The following AGMO variants were observed in gnomAD, a reference collection of about 807,000 sequenced individuals.
The protein encoded by AGMO is glyceryl-ether monooxygenase.
In AGMO, 75 loss-of-function variants were observed where a neutral mutation model predicts 60.2. That is an observed-to-expected ratio of 1.25 (90% CI 1.03 to 1.51). The LOEUF is 1.51. Ranked by LOEUF, AGMO falls within the 40% of genes most tolerant of loss-of-function variation. AGMO has a pLI of 0.00. For missense variants in AGMO, 763 were observed against 525.5 expected, an observed-to-expected ratio of 1.45 and a Z score of -4.42; for synonymous variants, 261 against 177.1, an observed-to-expected ratio of 1.47 and a Z score of -3.76.
chr7:15,232,951 A>C (rs1230531941), intron 12 of AGMO, among the ~76,000 whole-genome samples: 2 of 152,186 alleles, frequency 1.3e-5, no homozygotes, highest in Non-Finnish European at 2.9e-5. Context: ...AAGTTCTAAG[A>C]GAAAACTGAA....
Position 15,418,657 on chromosome 7 carries a change from A to C in AGMO, c.514-4T>G, listed in dbSNP as rs1780847251. 6.5e-7 allele frequency: 1 copy of C among 1,536,576 alleles called. No homozygotes were observed. The highest frequency in any genetic ancestry group is 8.8e-7 in the Non-Finnish European group (1 of 1,140,008). ...GGGCCAGGGGAGAGTAGAAAATCTGAAAGAAAAAATTAAAAAAAAATTAAT... is the reference window on the plus strand; with the variant it reads ...GGGCCAGGGGAGAGTAGAAAATCTGCAAGAAAAAATTAAAAAAAAATTAAT... On this transcript the variant is annotated splice_polypyrimidine_tract_variant and splice_region_variant and intron_variant, in intron 4 of 12. Coordinates refer to ENST00000342526, the MANE Select transcript of AGMO (RefSeq NM_001004320.2).
chr7:15,274,759 G>C (rs936280642), intron 12 of AGMO, among the ~76,000 whole-genome samples: 7 of 148,308 alleles, frequency 4.7e-5, no homozygotes, highest in Non-Finnish European at 7.4e-5. Flanking sequence ...TTGGCATATT[G>C]AGAATTTCTA....
intron 3 of AGMO, among the ~76,000 whole-genome samples, chr7:15,530,847 TTCTATATATAGATGA>T (rs1784298493): frequency 2.3e-5 from 3 of 131,028 alleles, no homozygotes; most frequent in Non-Finnish European, 4.9e-5. Flanking sequence ...TATATATATA[TTCTATATATAGATGA>T]CTGTATATAG....
At chr7:15,547,642 C>G (rs1010707354) in intron 2 of AGMO, among the ~76,000 whole-genome samples, 1 of 152,044 alleles carries the variant, frequency 6.6e-6, no homozygotes, top group Non-Finnish European at 1.5e-5. Context: ...GAGATTATAT[C>G]CGCACCTGGC....
intron 12 of AGMO, among the ~76,000 whole-genome samples, chr7:15,257,126 TA>T (rs1002271820): frequency 2.0e-5 from 3 of 152,104 alleles, no homozygotes; most frequent in South Asian, 2.1e-4. Flanking sequence ...AATTTTACTT[TA>T]AAAAAAGTTT....
At chr7:15,254,694 G>A (rs750782449) in intron 12 of AGMO, among the ~76,000 whole-genome samples, 2 of 151,136 alleles carry the variant, frequency 1.3e-5, no homozygotes, top group Non-Finnish European at 2.9e-5. Flanking sequence ...ATGAGACAAA[G>A]GGTTGTCATT....
chr7:15,539,474 T>C (rs1443030050), intron 3 of AGMO, among the ~76,000 whole-genome samples: 2 of 112,680 alleles, frequency 1.8e-5, no homozygotes, highest in Non-Finnish European at 4.2e-5. Flanking sequence ...CATGATCTCT[T>C]TCTTTTTTAT....
At chr7:15,176,213 T>C in the AGMO span, among the ~76,000 whole-genome samples, 1 of 152,102 alleles carries the variant, frequency 6.6e-6, no homozygotes, top group Admixed American at 6.6e-5. Flanking sequence ...TTTTATGTGA[T>C]TGCAGCATCA....
chr7:15,209,713 G>A (rs899859016), intron 12 of AGMO, among the ~76,000 whole-genome samples: 1 of 152,028 alleles, frequency 6.6e-6, no homozygotes. Flanking sequence ...TGGACCCAAG[G>A]GTATACAGAG....
chr7:15,495,388 G>A (rs1046170770), intron 3 of AGMO, among the ~76,000 whole-genome samples: 8 of 152,034 alleles, frequency 5.3e-5, no homozygotes, highest in African/African-American at 1.9e-4. Context: ...CAGTCCATGT[G>A]TTTCTGATTC....
At chr7:15,519,515 A>G (rs1271852462) in intron 3 of AGMO, among the ~76,000 whole-genome samples, 1 of 152,230 alleles carries the variant, frequency 6.6e-6, no homozygotes, top group Non-Finnish European at 1.5e-5. Flanking sequence ...ACATTCTTAA[A>G]GAAAAGAATT....
chr7:15,515,532 G>A (rs1481602505), intron 3 of AGMO, among the ~76,000 whole-genome samples: 2 of 152,134 alleles, frequency 1.3e-5, no homozygotes, highest in African/African-American at 4.8e-5. Flanking sequence ...CTTTTAAAAA[G>A]CATGCAAGGC....
chr7:15,135,980 T>TTTTC, the AGMO span, among the ~76,000 whole-genome samples: 4 of 8,428 alleles, frequency 4.7e-4, no homozygotes, highest in Non-Finnish European at 1.0e-3. Flanking sequence ...TTTTCTTTTC[T>TTTTC]TTTTTTTTTT....
chr7:15,176,586 GATGACTGGATATACTTATGCATTGTATA>G, the AGMO span, among the ~76,000 whole-genome samples: 1 of 151,788 alleles, frequency 6.6e-6, no homozygotes, highest in East Asian at 1.9e-4. Flanking sequence ...TGTACAATGT[GATGACTGGATATACTTATGCATTGTATA>G]ATGATTACCA....
intron 3 of AGMO, among the ~76,000 whole-genome samples, chr7:15,490,297 A>G (rs561700636): frequency 7.9e-5 from 12 of 152,306 alleles, no homozygotes; most frequent in African/African-American, 2.2e-4. Flanking sequence ...GGTGGTATAA[A>G]TGTGTGAGGT....
the AGMO span, among the ~76,000 whole-genome samples, chr7:15,183,934 GCA>G: frequency 3.0e-3 from 450 of 152,208 alleles, 7 homozygotes; most frequent in Non-Finnish European, 2.5e-3. Context: ...CCCTTCCCAA[GCA>G]CAGTTTTCTA....
chr7:15,329,285 C>A (rs1583414628), intron 12 of AGMO, among the ~76,000 whole-genome samples: 1 of 152,236 alleles, frequency 6.6e-6, no homozygotes. Context: ...TAGTTGCTTC[C>A]CTTTTTCTTT....
At chr7:15,199,916 T>C (rs1583286038), downstream of AGMO, among the ~76,000 whole-genome samples, 2 of 152,316 alleles carry the variant, frequency 1.3e-5, no homozygotes, top group Admixed American at 6.5e-5. Flanking sequence ...AAACTAAATA[T>C]GCTTCAATTC....
the AGMO span, among the ~76,000 whole-genome samples, chr7:15,140,034 T>G: frequency 2.7e-5 from 4 of 150,720 alleles, no homozygotes; most frequent in African/African-American, 9.7e-5. Flanking sequence ...GATTTGAACT[T>G]GGCAAAAATA....
Sources: allele counts gnomAD v4.1 joint callset (sites outside exome capture counted in the v4.1 genomes callset), GRCh38; gene constraint gnomAD v4.1.1; transcripts MANE v1.5; gene names NCBI Gene and HGNC (gene_info 2026-07-23, HGNC 2026-07-21).